HSCB: variants seen among roughly 807,000 people sequenced by gnomAD.
The protein encoded by HSCB is iron-sulfur cluster co-chaperone protein HscB.
A neutral mutation model predicts 31.3 loss-of-function variants in HSCB; 23 were observed. That is an observed-to-expected ratio of 0.74 (90% CI 0.53 to 1.04). The LOEUF is 1.04. Ranked by LOEUF, HSCB falls within the 50% of genes least tolerant of loss-of-function variation. The pLI is 0.00. For missense variants in HSCB, 297 were observed against 288.1 expected (o/e 1.03, Z -0.22); for synonymous variants, 110 against 104.5 (o/e 1.05, Z -0.32).
intron 3 of HSCB, chr22:28,745,217 T>A (rs2054663775): frequency 6.5e-6 from 1 of 152,966 alleles, no homozygotes; most frequent in South Asian, 2.0e-4. Context: ...AGCTTTTAGT[T>A]AAGAGTCATT....
intron 5 of HSCB, among the ~76,000 whole-genome samples, chr22:28,754,338 T>C (rs1268754937): frequency 6.6e-6 from 1 of 151,900 alleles, no homozygotes; most frequent in East Asian, 1.9e-4. Flanking sequence ...AGAGAGTTAT[T>C]TCATAAGTAG....
Position 28,746,729 on chromosome 22 carries a change from G to T in HSCB, c.568+721G>T, listed in dbSNP as rs145073921. The stretch of plus-strand genomic sequence containing the variant: ...AGCCAGGCCAACATGGAGAAACCCC[G>T]TCTCTGCCTAAAATACAAAATTAGC... On this transcript the variant is annotated intron_variant, in intron 4 of 5. Coordinates refer to ENST00000216027, the MANE Select transcript of HSCB (RefSeq NM_172002.5). Among the ~76,000 whole-genome samples the T allele has an allele frequency of 7.6e-3, 1,163 of 152,044 alleles. 15 individuals carry two copies. The highest frequency in any genetic ancestry group is 0.027 in the African/African-American group (1,123 of 41,484).
intron 1 of HSCB, 124 bp from the exon 2 acceptor site, chr22:28,743,758 C>A (rs1172331462): frequency 1.1e-5 from 8 of 757,348 alleles, no homozygotes; most frequent in Non-Finnish European, 1.8e-5. Context: ...ATAGGACTTA[C>A]CACTTTTTGA....
chr22:28,753,891 T>C (rs947835355), intron 5 of HSCB, among the ~76,000 whole-genome samples: 6 of 151,752 alleles, frequency 4.0e-5, no homozygotes, highest in African/African-American at 1.5e-4. Context: ...ACGCCTGTAA[T>C]CCTAGCAGTT....
intron 4 of HSCB, among the ~76,000 whole-genome samples, chr22:28,750,289 C>T (rs2030144804): frequency 6.8e-6 from 1 of 147,680 alleles, no homozygotes; most frequent in South Asian, 2.2e-4. Flanking sequence ...CTTATTCTAG[C>T]CCTATAGTAA....
intron 3 of HSCB, among the ~76,000 whole-genome samples, chr22:28,745,055 CAA>C (rs35101545): frequency 1.6e-4 from 16 of 100,660 alleles, no homozygotes; most frequent in Admixed American, 3.3e-4. Flanking sequence ...TGCACCCTCT[CAA>C]AAAAAAAAAA....
rs6005860 is a variant in HSCB, at chr22:28,752,346, G to A, written c.616+1058G>A. On this transcript the variant is annotated intron_variant, in intron 5 of 5. Coordinates refer to ENST00000216027, the MANE Select transcript of HSCB (RefSeq NM_172002.5). ...CTAGGGAGGCTGAGGCAGGAGAATC[G>A]TTTGAACCTGGGAGGCGGAGGCTGC... is the stretch of plus-strand genomic sequence containing the variant. 2.7e-3 allele frequency among the ~76,000 whole-genome samples: 401 copies of A among 149,494 alleles called. 2 individuals are homozygous for A. The highest frequency in any genetic ancestry group is 9.3e-3 in the African/African-American group (378 of 40,464).
intron 4 of HSCB, among the ~76,000 whole-genome samples, chr22:28,748,353 A>G (rs1462680148): frequency 6.6e-6 from 1 of 151,952 alleles, no homozygotes; most frequent in Non-Finnish European, 1.5e-5. Context: ...TCATCCACCC[A>G]TCTCTACTTT....
chr22:28,748,587 A>G (rs1211640978), intron 4 of HSCB, among the ~76,000 whole-genome samples: 1 of 151,456 alleles, frequency 6.6e-6, no homozygotes, highest in Non-Finnish European at 1.5e-5. Context: ...ATCTCGGCTC[A>G]CTGCAACCTC....
At position 28,750,364 on chromosome 22, in the gene HSCB, G is replaced by T. The variant is rs184269169; in HGVS notation, c.569-877G>T. Among the ~76,000 whole-genome samples the T allele has an allele frequency of 3.8e-4, 58 of 151,590 alleles. No individual in the cohort carries two copies. In the Middle Eastern group the frequency reaches 0.01, roughly 27 times the overall value. The stretch of plus-strand genomic sequence containing the variant: ...TAATTCCTAAATTTTCTCCTGTAAG[G>T]TATCTGCTATGGCCCAGGTAAAATT... On this transcript the variant is annotated intron_variant, in intron 4 of 5. Transcript: ENST00000216027.
rs770191558 is a variant in HSCB at position 28,742,074 on chromosome 22, G to C, written c.-22G>C. 2 of 1,594,846 alleles carry C rather than the reference G, an allele frequency of 1.3e-6. No homozygotes were observed. Among genetic ancestry groups the C allele is most frequent in the Non-Finnish European group, 8.5e-7 (1 of 1,171,990 alleles). ...TTTGCTTTTCCCCACGAGTGACCAC[G>C]GCTAGATAGGCCGCCGGCCAGATGT... On this transcript the variant is annotated 5_prime_UTR_variant, in exon 1 of 6. Coordinates refer to ENST00000216027, the MANE Select transcript of HSCB (RefSeq NM_172002.5).
chr22:28,756,877 A>G (rs1255709346), intron 5 of HSCB, among the ~76,000 whole-genome samples: 1 of 152,000 alleles, frequency 6.6e-6, no homozygotes, highest in African/African-American at 2.4e-5. Context: ...ATGCTCTTAC[A>G]CAACTCTCGC....
chr22:28,745,816 C>G (rs1250640853), intron 3 of HSCB, 48 bp from the exon 4 acceptor site: 1 of 1,506,266 alleles, frequency 6.6e-7, no homozygotes, highest in Non-Finnish European at 9.0e-7. Flanking sequence ...TTACATTACT[C>G]TGCCCATAGC....
At position 28,745,870 on chromosome 22, in the gene HSCB, C is replaced by T. The variant is rs1417248277; in HGVS notation, c.430C>T (p.Leu144Phe). 2.5e-6 allele frequency: 4 copies of T among 1,608,240 alleles called. No homozygotes were observed. The highest frequency in any genetic ancestry group is 2.5e-6 in the Non-Finnish European group (3 of 1,178,068). Residue 144 changes from leucine to phenylalanine, a missense_variant, in exon 4 of 6, where the codon CTC (leucine) becomes TTC (phenylalanine). Coordinates refer to ENST00000216027, the MANE Select transcript of HSCB (RefSeq NM_172002.5). ...PLSRGLYLLK[L>F]HGIEIPERTD... ...TTGCTTTCTACCCCAATAGCTAAAG[C>T]TCCATGGAATAGAGATTCCTGAAAG...
Position 28,742,271 on chromosome 22 carries a change from C to T in HSCB, c.176C>T (p.Pro59Leu). 3 of 1,614,152 alleles carry T rather than the reference C, an allele frequency of 1.9e-6. No homozygotes were observed. Among genetic ancestry groups the T allele is most frequent in the Non-Finnish European group, 2.5e-6 (3 of 1,180,038 alleles). ...GGGCGGGAGGACAGGTTCTTCTGCC[C>T]ACAGTGCCGAGCGCTGCAGGCACCT... is the stretch of plus-strand genomic sequence containing the variant. ...GPGREDRFFC[P>L]QCRALQAPDP... Residue 59 changes from proline (P) to leucine (L), a missense_variant, in exon 1 of 6, where the codon CCA becomes CTA. By Grantham distance (98) the Pro-to-Leu change is moderately conservative. Transcript: ENST00000216027.
At chr22:28,744,338 A>G (rs1198579389) in intron 2 of HSCB, among the ~76,000 whole-genome samples, 2 of 152,130 alleles carry the variant, frequency 1.3e-5, no homozygotes, top group African/African-American at 4.8e-5. Flanking sequence ...GATCACTTGA[A>G]GTCAGGAGTT....
chr22:28,742,585 G>C, intron 1 of HSCB: 3 of 466,774 alleles, frequency 6.4e-6, no homozygotes, highest in South Asian at 2.8e-5. Flanking sequence ...GAAGTTAGAG[G>C]AAATAGGGGG....
chr22:28,750,943 G>GTTTTTTTTTTTTTTTTTTTT (rs1202821377), intron 4 of HSCB, among the ~76,000 whole-genome samples: 2 of 62,046 alleles, frequency 3.2e-5, no homozygotes, highest in African/African-American at 1.2e-4. Context: ...GTATATCTTT[G>GTTTTTTTTTTTTTTTTTTTT]TCTTTTTTTT....
chr22:28,745,881 A>T lies in HSCB; in HGVS notation c.441A>T (p.Ile147=). 6.2e-7 allele frequency: 1 copy of T among 1,612,186 alleles called. No homozygotes were observed. The highest frequency in any genetic ancestry group is 8.5e-7 in the Non-Finnish European group (1 of 1,179,266). The change falls in exon 4 of 6, where the codon ATA becomes ATT. Residue 147 remains isoleucine (I), a synonymous_variant. Coordinates refer to ENST00000216027, the MANE Select transcript of HSCB (RefSeq NM_172002.5). ...CCCAATAGCTAAAGCTCCATGGAAT[A>T]GAGATTCCTGAAAGGACAGATTATG... ...RGLYLLKLHG[I]EIPERTDYEM...
Sources: gnomAD v4.1 joint callset for allele counts (sites outside exome capture counted in the v4.1 genomes callset) on GRCh38, gnomAD v4.1.1 for gene constraint, MANE v1.5 for transcripts, NCBI Gene and HGNC (gene_info 2026-07-23, HGNC 2026-07-21) for gene names.